IGDCC4: variants seen among roughly 807,000 people sequenced by gnomAD.
IGDCC4 encodes the protein immunoglobulin superfamily DCC subclass member 4.
A neutral mutation model predicts 116.6 loss-of-function variants in IGDCC4; 72 were observed. The observed-to-expected ratio is 0.62, with a 90% CI of 0.51 to 0.75. The LOEUF is 0.75. Ranked by LOEUF, IGDCC4 falls within the 30% of genes least tolerant of loss-of-function variation. IGDCC4 has a pLI of 0.00. For missense variants in IGDCC4, 1,501 were observed against 1,662.4 expected, an observed-to-expected ratio of 0.90 and a Z score of 1.69; for synonymous variants, 709 against 719.9, an observed-to-expected ratio of 0.98 and a Z score of 0.24.
intron 4 of IGDCC4, 44 bp from the exon 5 acceptor site, chr15:65,400,990 T>C: frequency 6.2e-7 from 1 of 1,612,626 alleles, no homozygotes. Flanking sequence ...CATTAGGCAT[T>C]TGCCATGCGA....
intron 4 of IGDCC4, 150 bp downstream of exon 4, chr15:65,402,201 C>T (rs1446063456): frequency 8.7e-6 from 8 of 918,334 alleles, no homozygotes; most frequent in Non-Finnish European, 1.1e-5. Context: ...GTGGCAGTAC[C>T]CTCTCTGGGC....
At chr15:65,405,322 G>A (rs560153750) in intron 3 of IGDCC4, among the ~76,000 whole-genome samples, 6 of 107,486 alleles carry the variant, frequency 5.6e-5, no homozygotes, top group Non-Finnish European at 1.1e-4. Context: ...TTTTTTTTTT[G>A]CAATTAATAT....
chr15:65,385,534 C>T (rs2091447334), intron 18 of IGDCC4: 1 of 559,402 alleles, frequency 1.8e-6, no homozygotes, highest in Admixed American at 3.1e-5. Context: ...ATGTCTGGGT[C>T]TCAGAGGTCT....
At chr15:65,392,860 T>C (rs1217008215) in intron 10 of IGDCC4, among the ~76,000 whole-genome samples, 2 of 152,110 alleles carry the variant, frequency 1.3e-5, no homozygotes, top group African/African-American at 4.8e-5. Flanking sequence ...ATTATAACTT[T>C]ATCCTTGCAA....
chr15:65,384,119 G>A lies in IGDCC4; in HGVS notation c.3643C>T (p.Pro1215Ser). 2 of 1,613,304 alleles carry A rather than the reference G, an allele frequency of 1.2e-6. No homozygotes were observed. The highest frequency in any genetic ancestry group is 1.7e-5 in the Admixed American group (1 of 59,908). ...GGGGTCTCCTCTAGCACCTCGCCTG[G>A]CTGGAGGTCCGGGTAGGAGCAGGAA... Reference protein sequence around the residue: ...SASCSYPDLQPGEVLEETPGD... With the variant: ...SASCSYPDLQSGEVLEETPGD... The change falls in exon 20 of 20, where the codon CCA becomes TCA. Residue 1215 changes from proline (P) to serine (S), a missense_variant. Coordinates refer to ENST00000352385, the MANE Select transcript of IGDCC4 (RefSeq NM_020962.3). The surrounding 1 kb of genome is among the most constrained non-coding windows in gnomAD (Gnocchi z 4.9).
At chr15:65,390,485 A>T in intron 12 of IGDCC4, 147 bp from the exon 13 acceptor site, 1 of 546,672 alleles carries the variant, frequency 1.8e-6, no homozygotes, top group South Asian at 6.0e-5. Context: ...TTCACAGATA[A>T]GGCAATTGAG....
chr15:65,383,839 G>T lies in IGDCC4; in HGVS notation c.*170C>A. The T allele has an allele frequency of 1.8e-6, 1 of 561,158 alleles. No homozygotes were observed. The allele number at this position is 561,158 out of a possible 1,614,324, so 34.8% of individuals were successfully genotyped here. A position where few individuals can be genotyped will look rare whatever the true frequency, so the allele number is the denominator to read the frequency against. ...TCACATGTGTATCACAAAGAGTATG[G>T]GGGGAGTGAATAATCCATGTTTTCC... On this transcript the variant is annotated 3_prime_UTR_variant, in exon 20 of 20. Coordinates refer to ENST00000352385, the MANE Select transcript of IGDCC4 (RefSeq NM_020962.3).
At chr15:65,397,134 C>T in intron 5 of IGDCC4, 145 bp from the exon 6 acceptor site, 1 of 1,033,156 alleles carries the variant, frequency 9.7e-7, no homozygotes, top group Non-Finnish European at 1.4e-6. Context: ...CTTGCTGGGA[C>T]TCTCTGAGCC....
intron 12 of IGDCC4, 142 bp downstream of exon 12, chr15:65,391,737 CT>C: frequency 1.4e-6 from 1 of 704,486 alleles, no homozygotes; most frequent in Non-Finnish European, 2.4e-6. Context: ...AAGAGGACCC[CT>C]GATCCTAGGA....
In IGDCC4 at chr15:65,422,902, C is replaced by A. The variant is rs909137566; in HGVS notation, c.-40G>T. On this transcript the variant is annotated 5_prime_UTR_variant, in exon 1 of 20. Transcript: ENST00000352385. ...GCCGCCGCCGCCGCCGCCGCCTCCC[C>A]GTGCTTCGGCCGCCGCCGCGGGGGG... The A allele has an allele frequency of 1.5e-4, 146 of 1,004,378 alleles. No homozygotes were observed. In the African/African-American group the frequency reaches 2.3e-3, roughly 16 times the overall value. 62.2% of individuals were successfully genotyped at this position (1,004,378 alleles called of 1,614,324 possible). A position where few individuals can be genotyped will look rare whatever the true frequency, so the allele number is the denominator to read the frequency against.
intron 5 of IGDCC4, among the ~76,000 whole-genome samples, chr15:65,400,524 T>C (rs566630268): frequency 7.9e-5 from 12 of 152,290 alleles, no homozygotes; most frequent in Middle Eastern, 3.4e-3. Flanking sequence ...AGAACCTAGC[T>C]CAGCACCTGG....
At position 65,393,217 on chromosome 15, in the gene IGDCC4, G is replaced by T; in HGVS notation, c.1885+144C>A. 2.3e-6 allele frequency: 2 copies of T among 861,556 alleles called. No individual in the cohort carries two copies. Among genetic ancestry groups the T allele is most frequent in the Non-Finnish European group, 3.4e-6 (2 of 596,388 alleles). The allele number at this position is 861,556 out of a possible 1,614,324, so 53.4% of individuals were successfully genotyped here. A position where few individuals can be genotyped will look rare whatever the true frequency, so the allele number is the denominator to read the frequency against. On this transcript the variant is annotated intron_variant, in intron 10 of 19. Transcript: ENST00000352385. The surrounding 1 kb of genome is among the most constrained non-coding windows in gnomAD (Gnocchi z 4.6). The stretch of plus-strand genomic sequence containing the variant: ...CCCAGCCCTTCACCTCTGCACCTAA[G>T]CCTCACTCACCCATCAAGCGGAGGG...
intron 1 of IGDCC4, among the ~76,000 whole-genome samples, chr15:65,412,781 T>A (rs1370645102): frequency 2.0e-5 from 3 of 151,886 alleles, no homozygotes; most frequent in Non-Finnish European, 4.4e-5. Context: ...AAAAAAAATT[T>A]TTTTAATTAG....
rs769747580 is a variant in IGDCC4, at chr15:65,393,387, G to A, written c.1859C>T (p.Thr620Met). The A allele has an allele frequency of 9.9e-6, 16 of 1,612,554 alleles. No homozygotes were observed. The highest frequency in any genetic ancestry group is 6.7e-5 in the East Asian group (3 of 44,830). The part of the protein sequence containing the change: ...GAPSQWMHHR[T>M]PSMHNQSHVP... ...ATGGCTCTGGTTGTGCATACTGGGC[G>A]TCCTGTGATGCATCCACTGGGAGGG... Residue 620 changes from threonine to methionine, a missense_variant, in exon 10 of 20, where the codon ACG becomes ATG. By Grantham distance (81) the Thr-to-Met change is moderately conservative. Around this residue, in one of 3 missense-constraint regions of IGDCC4, gnomAD observed 898 missense variants for 978.9 expected, o/e 0.92. Coordinates refer to ENST00000352385, the MANE Select transcript of IGDCC4 (RefSeq NM_020962.3). This position sits in a 1 kb window ranked among gnomAD's most constrained non-coding sequence, Gnocchi z 4.6.
At position 65,383,522 on chromosome 15, in the gene IGDCC4, A is replaced by C. The variant is rs2091421388; in HGVS notation, c.*487T>G. 3 of 153,512 alleles carry C rather than the reference A, an allele frequency of 2.0e-5. No homozygotes were observed. The South Asian group carries it at 6.2e-4, about 32-fold the overall frequency. 9.5% of individuals were successfully genotyped at this position (153,512 alleles called of 1,614,324 possible). A position where few individuals can be genotyped will look rare whatever the true frequency, so the allele number is the denominator to read the frequency against. ...GATGCAGCTGAAATGCCAGGCATTC[A>C]GAGCCTGCTTGCACCCAACCCAGCC... On this transcript the variant is annotated 3_prime_UTR_variant, in exon 20 of 20. Transcript: ENST00000352385.
At position 65,388,654 on chromosome 15, in the gene IGDCC4, G is replaced by A. The variant is rs2091484354; in HGVS notation, c.2708-68C>T. The A allele has an allele frequency of 1.9e-6, 3 of 1,607,168 alleles. No homozygotes were observed. In the South Asian group the frequency reaches 3.3e-5, roughly 18 times the overall value. On this transcript the variant is annotated intron_variant, in intron 15 of 19. Transcript: ENST00000352385. ...GTGGGTGGATGCAGAGGTGGGCAGG[G>A]AGGGGACTGGGAGAGTCTGCTCTCC... is the stretch of plus-strand genomic sequence containing the variant.
Position 65,383,467 on chromosome 15 carries a change from C to G in IGDCC4, c.*542G>C, listed in dbSNP as rs2091420919. The G allele has an allele frequency of 6.6e-6, 1 of 152,364 alleles. No homozygotes were observed. Among genetic ancestry groups the G allele is most frequent in the African/African-American group, 2.4e-5 (1 of 41,434 alleles). 9.4% of individuals were successfully genotyped at this position (152,364 alleles called of 1,614,324 possible). A position where few individuals can be genotyped will look rare whatever the true frequency, so the allele number is the denominator to read the frequency against. On this transcript the variant is annotated 3_prime_UTR_variant, in exon 20 of 20. Transcript: ENST00000352385. The stretch of plus-strand genomic sequence containing the variant: ...CTCGGAGGGGAGCCAGGGCCACCCT[C>G]TCTATTTGGGCAATAAGGAGCTGGG...
intron 16 of IGDCC4, 91 bp downstream of exon 16, chr15:65,388,358 C>T (rs2091480701): frequency 6.4e-7 from 1 of 1,556,502 alleles, no homozygotes; most frequent in Admixed American, 1.7e-5. Flanking sequence ...ACCTGGAGGA[C>T]AGCTGTGCAA....
chr15:65,385,935 G>T lies in IGDCC4; in HGVS notation c.3076C>A (p.Pro1026Thr). 6.2e-7 allele frequency: 1 copy of T among 1,610,836 alleles called. No individual in the cohort carries two copies. Among genetic ancestry groups the T allele is most frequent in the South Asian group, 1.1e-5 (1 of 90,950 alleles). Residue 1026 changes from proline (P) to threonine (T), a missense_variant, in exon 18 of 20, where the codon CCC becomes ACC. Physicochemically the swap from Pro to Thr is conservative, Grantham distance 38. Coordinates refer to ENST00000352385, the MANE Select transcript of IGDCC4 (RefSeq NM_020962.3). Reference protein sequence around the residue: ...HELESLVHPHPQDWSPPPSDV... With the variant: ...HELESLVHPHTQDWSPPPSDV... ...GAGGGTGGCGGGGACCAGTCCTGGGGATGGGGGTGCACAAGGGACTCCAAT... is the reference window on the plus strand; with the variant it reads ...GAGGGTGGCGGGGACCAGTCCTGGGTATGGGGGTGCACAAGGGACTCCAAT...
Sources: gnomAD v4.1 joint callset for allele counts (sites outside exome capture counted in the v4.1 genomes callset) on GRCh38, gnomAD v4.1.1 for gene constraint, gnomAD v4.1.1 regional missense constraint, Gnocchi (gnomAD v3.1) non-coding constraint, MANE v1.5 for transcripts, NCBI Gene and HGNC (gene_info 2026-07-23, HGNC 2026-07-21) for gene names.